ENPP2: variants seen among roughly 807,000 people sequenced by gnomAD.
ENPP2 encodes autotaxin.
ENPP2 carries 51 observed loss-of-function variants against 120.2 expected under a neutral mutation model. That is an observed-to-expected ratio of 0.42 (90% confidence interval 0.34 to 0.54). ENPP2 has a LOEUF of 0.54. Ranked by LOEUF, ENPP2 falls within the 20% of genes least tolerant of loss-of-function variation. The pLI is 0.04. For synonymous variants in ENPP2, 365 were observed against 366.4 expected (o/e 1.00, Z 0.04); for missense variants, 920 against 1,066.5 (o/e 0.86, Z 1.91).
At chr8:119,566,069 T>A (rs184257490) in intron 22 of ENPP2, among the ~76,000 whole-genome samples, 2 of 152,324 alleles carry the variant, frequency 1.3e-5, no homozygotes, top group East Asian at 1.9e-4. Context: ...CAGGCTAAGC[T>A]TTTGCACTTG....
intron 15 of ENPP2, among the ~76,000 whole-genome samples, chr8:119,585,061 G>A (rs1341252639): frequency 3.3e-5 from 5 of 152,092 alleles, no homozygotes; most frequent in Non-Finnish European, 5.9e-5. Flanking sequence ...CTTCTACTCA[G>A]CTCCCATGTT....
chr8:119,559,354 T>A (rs562395979), intron 24 of ENPP2, among the ~76,000 whole-genome samples: 2 of 152,222 alleles, frequency 1.3e-5, no homozygotes, highest in Non-Finnish European at 2.9e-5. Context: ...GTAAATGCAG[T>A]CATTTTGAAT....
chr8:119,645,169 G>C (rs1204871892), intron 1 of ENPP2, among the ~76,000 whole-genome samples: 6 of 152,218 alleles, frequency 3.9e-5, no homozygotes, highest in South Asian at 2.1e-4. Flanking sequence ...ATAATTGACT[G>C]AGCCAGTTCT....
chr8:119,671,633 G>T (rs1818252467), intron 1 of ENPP2, among the ~76,000 whole-genome samples: 1 of 152,198 alleles, frequency 6.6e-6, no homozygotes, highest in Admixed American at 6.5e-5. Flanking sequence ...AGGCCTGGGA[G>T]AAGAAGGGAG....
chr8:119,563,123 T>A, intron 23 of ENPP2, 110 bp from the exon 24 acceptor site: 1 of 843,228 alleles, frequency 1.2e-6, no homozygotes, highest in Non-Finnish European at 1.8e-6. Context: ...TAATCCCCAT[T>A]CAATTGAATC....
intron 11 of ENPP2, among the ~76,000 whole-genome samples, chr8:119,594,547 A>G (rs1287386613): frequency 6.6e-6 from 1 of 152,226 alleles, no homozygotes; most frequent in East Asian, 1.9e-4. Context: ...ACAAAATATG[A>G]AAACTCAATT....
rs1480440662 is a variant in ENPP2 at position 119,616,360 on chromosome 8, T to C, written c.682A>G (p.Ile228Val). ...GGATCATACATTGAATTGCCAACAA[T>C]TCCATGTGATTCTGGATATAGCCCC... ...ATGLYPESHG[I>V]VGNSMYDPVF... The change falls in exon 8 of 25, where the codon ATT (isoleucine) becomes GTT (valine). Residue 228 changes from isoleucine to valine, a missense_variant. Transcript: ENST00000075322. The C allele has an allele frequency of 6.2e-7, 1 of 1,606,462 alleles. No individual in the cohort carries two copies. Among genetic ancestry groups the C allele is most frequent in the East Asian group, 2.2e-5 (1 of 44,734 alleles).
intron 9 of ENPP2, among the ~76,000 whole-genome samples, chr8:119,605,974 A>T (rs903794224): frequency 1.3e-5 from 2 of 152,210 alleles, no homozygotes; most frequent in African/African-American, 2.4e-5. Context: ...ATGAAATACT[A>T]TCATTTAAAA....
chr8:119,620,282 C>A (rs910886176), intron 4 of ENPP2, among the ~76,000 whole-genome samples: 1 of 152,134 alleles, frequency 6.6e-6, no homozygotes, highest in Middle Eastern at 3.2e-3. Flanking sequence ...TTCTAACAGC[C>A]TTTGTGGCTT....
At chr8:119,641,042 T>C (rs1385008632), upstream of ENPP2, among the ~76,000 whole-genome samples, 2 of 152,206 alleles carry the variant, frequency 1.3e-5, no homozygotes, top group Non-Finnish European at 2.9e-5. Context: ...CCACCGTGCC[T>C]GGCCCTCAGC....
chr8:119,567,945 C>T (rs1227615690), intron 22 of ENPP2, among the ~76,000 whole-genome samples: 1 of 152,182 alleles, frequency 6.6e-6, no homozygotes, highest in Non-Finnish European at 1.5e-5. Flanking sequence ...GGATAAACTA[C>T]CAGCCAACCT....
chr8:119,617,459 T>C lies in ENPP2; in HGVS notation c.577+7A>G, dbSNP rs1051996303. On this transcript the variant is annotated splice_region_variant and intron_variant, in intron 6 of 24. Transcript: ENST00000075322. ...AGATAAGAACACAGAGTATGGAAAT[T>C]ACTTACTTAGTTTTTCAATATTAGG... The C allele has an allele frequency of 7.6e-6, 12 of 1,571,600 alleles. No individual in the cohort carries two copies. Among genetic ancestry groups the C allele is most frequent in the Non-Finnish European group, 9.6e-6 (11 of 1,143,170 alleles).
intron 9 of ENPP2, among the ~76,000 whole-genome samples, chr8:119,606,676 C>G (rs1814741442): frequency 6.6e-6 from 1 of 151,434 alleles, no homozygotes; most frequent in Non-Finnish European, 1.5e-5. Flanking sequence ...TCACCAAACC[C>G]AATTTCAATT....
At chr8:119,610,773 G>A (rs1229489527) in intron 8 of ENPP2, among the ~76,000 whole-genome samples, 2 of 151,926 alleles carry the variant, frequency 1.3e-5, no homozygotes, top group Non-Finnish European at 2.9e-5. Context: ...AGTCGTGATA[G>A]GCACCTGTAA....
rs1322889567 is a variant in ENPP2 at position 119,561,955 on chromosome 8, G to A, written c.2421+902C>T. Among the ~76,000 whole-genome samples, 7 of 151,848 alleles carry A rather than the reference G, an allele frequency of 4.6e-5. No homozygotes were observed. The East Asian group carries it at 5.8e-4, about 13-fold the overall frequency. Reference sequence around the variant, plus strand: ...AGATTGAGACCATCCTGGCTAACACGGTGGAACCCTGTCTCTACTAAAAAT... The same window carrying A: ...AGATTGAGACCATCCTGGCTAACACAGTGGAACCCTGTCTCTACTAAAAAT... On this transcript the variant is annotated intron_variant, in intron 24 of 24. Transcript: ENST00000075322.
intron 24 of ENPP2, among the ~76,000 whole-genome samples, chr8:119,559,363 A>C (rs1813732511): frequency 6.6e-6 from 1 of 152,140 alleles, no homozygotes; most frequent in Non-Finnish European, 1.5e-5. Context: ...GTCATTTTGA[A>C]TGTGTGGACA....
In ENPP2 at chr8:119,673,357, G is replaced by T. The variant is rs930315274; in HGVS notation, c.-85C>A. ...GCCCCGCGACCTGGGAGCTGTGCTCGGGACGGCTGCTGCGGACTGCTCTTG... is the reference window on the plus strand; with the variant it reads ...GCCCCGCGACCTGGGAGCTGTGCTCTGGACGGCTGCTGCGGACTGCTCTTG... On this transcript the variant is annotated 5_prime_UTR_variant, in exon 1 of 26. Transcript: ENST00000427067. 17 of 1,492,408 alleles carry T rather than the reference G, an allele frequency of 1.1e-5. No individual in the cohort carries two copies. In the Admixed American group the frequency reaches 1.2e-4, roughly 10 times the overall value. The allele number at this position is 1,492,408 out of a possible 1,614,324, so 92.4% of individuals were successfully genotyped here.
intron 1 of ENPP2, among the ~76,000 whole-genome samples, chr8:119,648,144 G>A (rs1817526000): frequency 6.6e-6 from 1 of 152,162 alleles, no homozygotes; most frequent in Non-Finnish European, 1.5e-5. Flanking sequence ...TTGATATGAA[G>A]ACCAAATGAT....
At chr8:119,650,973 T>TA (rs563396859) in intron 1 of ENPP2, among the ~76,000 whole-genome samples, 162 of 142,066 alleles carry the variant, frequency 1.1e-3, no homozygotes, top group Middle Eastern at 0.011. Context: ...AATACTTCTT[T>TA]AAAAAAAAAA....
Sources: gnomAD v4.1 joint callset for allele counts (sites outside exome capture counted in the v4.1 genomes callset) on GRCh38, gnomAD v4.1.1 for gene constraint, MANE v1.5 for transcripts, NCBI Gene and HGNC (gene_info 2026-07-23, HGNC 2026-07-21) for gene names.